Variants in AGPAT5 observed in about 807,000 individuals in gnomAD.
AGPAT5 encodes 1-acylglycerol-3-phosphate O-acyltransferase 5, also known as 1-acyl-sn-glycerol-3-phosphate acyltransferase epsilon.
A neutral mutation model predicts 45.6 loss-of-function variants in AGPAT5; 46 were observed. The ratio of observed to expected loss-of-function variants is 1.01; its 90% CI spans 0.80 to 1.29. The LOEUF (loss-of-function observed/expected upper bound fraction) is 1.29. Ranked by LOEUF, AGPAT5 falls within the 50% of genes most tolerant of loss-of-function variation. The pLI, the probability that AGPAT5 is intolerant of heterozygous loss-of-function variation, is 0.00. For missense variants in AGPAT5, 673 were observed against 450.7 expected (o/e 1.49, Z -4.47); for synonymous variants, 272 against 167.0 (o/e 1.63, Z -4.85).
At chr8:6,714,016 A>G (rs916899640) in intron 1 of AGPAT5, among the ~76,000 whole-genome samples, 5 of 152,250 alleles carry the variant, frequency 3.3e-5, no homozygotes, top group Admixed American at 3.3e-4. Context: ...ATTCATTAGA[A>G]TGAAACATGT....
intron 4 of AGPAT5, among the ~76,000 whole-genome samples, chr8:6,735,290 C>G (rs1264948898): frequency 6.6e-6 from 1 of 152,170 alleles, no homozygotes; most frequent in African/African-American, 2.4e-5. Context: ...GTGGGCTGGG[C>G]CCTGAGCCCT....
intron 5 of AGPAT5, chr8:6,746,382 C>G (rs1801465583): frequency 6.6e-6 from 1 of 152,108 alleles, no homozygotes; most frequent in South Asian, 2.1e-4. Flanking sequence ...AATTCATTTC[C>G]TTTTATGTTT....
rs144815335 is a variant in AGPAT5, at chr8:6,715,321, C to A, written c.219+6434C>A. Among the ~76,000 whole-genome samples the A allele has an allele frequency of 8.5e-3, 1,288 of 152,218 alleles. 11 individuals carry two copies. The highest frequency in any genetic ancestry group is 0.013 in the Non-Finnish European group (862 of 68,030). ...CCAGCTTGGAAGGTAATGTAGTCAT[C>A]CAGGTGAGAAATGATGGTTAGGGGA... On this transcript the variant is annotated intron_variant, in intron 1 of 7. Coordinates refer to ENST00000285518, the MANE Select transcript of AGPAT5 (RefSeq NM_018361.5).
intron 4 of AGPAT5, among the ~76,000 whole-genome samples, chr8:6,738,146 T>C (rs895578279): frequency 3.3e-5 from 5 of 152,234 alleles, no homozygotes; most frequent in Non-Finnish European, 7.3e-5. Flanking sequence ...GGCTGTTTAG[T>C]GGAAAGGACC....
At chr8:6,736,138 C>A (rs1177945171) in intron 4 of AGPAT5, among the ~76,000 whole-genome samples, 1 of 152,188 alleles carries the variant, frequency 6.6e-6, no homozygotes, top group African/African-American at 2.4e-5. Context: ...AGGTGTGAGC[C>A]ACCACGCCCA....
At chr8:6,752,922 C>G (rs1006841337) in intron 6 of AGPAT5, among the ~76,000 whole-genome samples, 3 of 152,188 alleles carry the variant, frequency 2.0e-5, no homozygotes, top group Non-Finnish European at 2.9e-5. Flanking sequence ...ATGCTCCTCT[C>G]ATTGTCCCTA....
chr8:6,737,434 G>A (rs999719375), intron 4 of AGPAT5, among the ~76,000 whole-genome samples: 29 of 152,168 alleles, frequency 1.9e-4, no homozygotes, highest in African/African-American at 6.0e-4. Flanking sequence ...TAGTATTTAA[G>A]AAATGCAGAA....
intron 5 of AGPAT5, among the ~76,000 whole-genome samples, chr8:6,743,040 A>G (rs1027715236): frequency 6.6e-6 from 1 of 152,214 alleles, no homozygotes; most frequent in Non-Finnish European, 1.5e-5. Flanking sequence ...CACTTTTTCC[A>G]GTACTCACTC....
At chr8:6,741,844 T>A in intron 5 of AGPAT5, 93 bp downstream of exon 5, 1 of 978,630 alleles carries the variant, frequency 1.0e-6, no homozygotes, top group Non-Finnish European at 1.6e-6. Context: ...TGTTTTACAG[T>A]TGAAGGAATG....
rs770603371 is a variant in AGPAT5, at chr8:6,747,868, T to C, written c.745+40T>C. The C allele has an allele frequency of 1.9e-6, 3 of 1,577,758 alleles. No homozygotes were observed. The East Asian group carries it at 6.8e-5, about 36-fold the overall frequency. On this transcript the variant is annotated intron_variant, in intron 6 of 7. Coordinates refer to ENST00000285518, the MANE Select transcript of AGPAT5 (RefSeq NM_018361.5). ...GCACCTGAAATGCCTGTACACGGTATATACAGTGCACATGTTTATGTAGAA... is the reference window on the plus strand; with the variant it reads ...GCACCTGAAATGCCTGTACACGGTACATACAGTGCACATGTTTATGTAGAA...
chr8:6,724,272 C>G (rs1399235627), intron 1 of AGPAT5, among the ~76,000 whole-genome samples: 1 of 152,196 alleles, frequency 6.6e-6, no homozygotes, highest in Non-Finnish European at 1.5e-5. Flanking sequence ...AGCCGCGACA[C>G]TGCCCATGTT....
chr8:6,746,922 G>A (rs1801489563), intron 5 of AGPAT5, among the ~76,000 whole-genome samples: 1 of 152,174 alleles, frequency 6.6e-6, no homozygotes, highest in Admixed American at 6.5e-5. Context: ...ACCCTAGTAG[G>A]AACCTAATGA....
intron 1 of AGPAT5, among the ~76,000 whole-genome samples, chr8:6,721,559 C>G (rs1256851888): frequency 6.6e-6 from 1 of 152,232 alleles, no homozygotes; most frequent in Non-Finnish European, 1.5e-5. Flanking sequence ...TATTATTACA[C>G]TCATTTTACA....
chr8:6,710,703 A>G (rs1356120087), intron 1 of AGPAT5, among the ~76,000 whole-genome samples: 1 of 152,206 alleles, frequency 6.6e-6, no homozygotes, highest in Non-Finnish European at 1.5e-5. Context: ...GTGTACACAA[A>G]GCTACCTTTC....
At chr8:6,746,583 G>A (rs1801472702) in intron 5 of AGPAT5, among the ~76,000 whole-genome samples, 1 of 152,132 alleles carries the variant, frequency 6.6e-6, no homozygotes, top group South Asian at 2.1e-4. Flanking sequence ...CTTGGTGTGC[G>A]ATTGAGATTT....
intron 1 of AGPAT5, among the ~76,000 whole-genome samples, chr8:6,724,194 T>A (rs753193551): frequency 6.6e-6 from 1 of 152,200 alleles, no homozygotes; most frequent in African/African-American, 2.4e-5. Context: ...GTTTTAATCT[T>A]TAGCATGGAA....
At chr8:6,737,619 A>T (rs1244888785) in intron 4 of AGPAT5, among the ~76,000 whole-genome samples, 6 of 152,228 alleles carry the variant, frequency 3.9e-5, no homozygotes, top group African/African-American at 1.4e-4. Context: ...GAGCTAGTAA[A>T]ACTTATGGCA....
At chr8:6,753,127 A>C (rs1484595524) in intron 6 of AGPAT5, among the ~76,000 whole-genome samples, 2 of 152,260 alleles carry the variant, frequency 1.3e-5, no homozygotes, top group Non-Finnish European at 2.9e-5. Context: ...GAGCACATGT[A>C]CGTTTTAGGA....
chr8:6,733,005 T>A (rs1191015622), intron 4 of AGPAT5, among the ~76,000 whole-genome samples: 1 of 152,240 alleles, frequency 6.6e-6, no homozygotes, highest in Non-Finnish European at 1.5e-5. Flanking sequence ...CAGATTTGGT[T>A]TTAGAAGCAG....
Sources: allele counts gnomAD v4.1 joint callset (sites outside exome capture counted in the v4.1 genomes callset), GRCh38; gene constraint gnomAD v4.1.1; transcripts MANE v1.5; gene names NCBI Gene and HGNC (gene_info 2026-07-23, HGNC 2026-07-21).